The following GAB2 variants were observed in gnomAD, a reference collection of about 807,000 sequenced individuals.
The protein encoded by GAB2 is GRB2-associated-binding protein 2.
GAB2 carries 26 observed loss-of-function variants against 65.5 expected under a neutral mutation model. The ratio of observed to expected loss-of-function variants is 0.40; its 90% CI spans 0.29 to 0.55. GAB2 has a LOEUF of 0.55. Ranked by LOEUF, GAB2 falls within the 20% of genes least tolerant of loss-of-function variation. GAB2 has a pLI of 0.53. For missense variants in GAB2, 884 were observed against 875.8 expected (o/e 1.01, Z -0.12); for synonymous variants, 321 against 329.6 (o/e 0.97, Z 0.28).
intron 1 of GAB2, among the ~76,000 whole-genome samples, chr11:78,341,472 C>T (rs1856093745): frequency 6.6e-6 from 1 of 152,106 alleles, no homozygotes; most frequent in Non-Finnish European, 1.5e-5. Context: ...GGGATTAAGG[C>T]TTAGGTATAG....
intron 1 of GAB2, among the ~76,000 whole-genome samples, chr11:78,394,542 G>T (rs1177840660): frequency 6.6e-6 from 1 of 152,210 alleles, no homozygotes; most frequent in African/African-American, 2.4e-5. Flanking sequence ...GAAAAGGTTT[G>T]GGGTAATAAC....
intron 1 of GAB2, among the ~76,000 whole-genome samples, chr11:78,400,881 G>A (rs1856960026): frequency 1.6e-5 from 2 of 121,572 alleles, no homozygotes; most frequent in African/African-American, 3.0e-5. Flanking sequence ...TCCAGCCTGA[G>A]TGACAGAGTG....
intron 1 of GAB2, among the ~76,000 whole-genome samples, chr11:78,369,616 C>A (rs899345203): frequency 6.6e-6 from 1 of 152,128 alleles, no homozygotes; most frequent in Non-Finnish European, 1.5e-5. Flanking sequence ...AAGGTAGTAT[C>A]TGAATAAAAA....
intron 2 of GAB2, among the ~76,000 whole-genome samples, chr11:78,279,994 T>C (rs553087396): frequency 6.6e-6 from 1 of 152,300 alleles, no homozygotes; most frequent in South Asian, 2.1e-4. Flanking sequence ...CCTAAACAAA[T>C]GTTAAGGAGC....
At chr11:78,243,164 GAAAA>G (rs937159611) in intron 3 of GAB2, among the ~76,000 whole-genome samples, 1 of 135,138 alleles carries the variant, frequency 7.4e-6, no homozygotes, top group East Asian at 2.1e-4. Context: ...ACTCTGTCTA[GAAAA>G]AAAAAAAGAA....
intron 1 of GAB2, among the ~76,000 whole-genome samples, chr11:78,291,359 G>T (rs1028693992): frequency 6.7e-6 from 1 of 150,260 alleles, no homozygotes; most frequent in African/African-American, 2.4e-5. Context: ...CCAGCTACTC[G>T]GGAGGCTGAG....
intron 1 of GAB2, among the ~76,000 whole-genome samples, chr11:78,332,067 C>G (rs954269831): frequency 3.9e-5 from 6 of 152,182 alleles, no homozygotes; most frequent in African/African-American, 1.2e-4. Flanking sequence ...TTCTGGTACT[C>G]TACAAAGTGG....
At chr11:78,285,226 A>T (rs768360041) in intron 1 of GAB2, among the ~76,000 whole-genome samples, 5 of 152,176 alleles carry the variant, frequency 3.3e-5, no homozygotes, top group Admixed American at 6.5e-5. Context: ...CTGTGGAAAG[A>T]GCTGTCCCCA....
intron 1 of GAB2, among the ~76,000 whole-genome samples, chr11:78,284,090 C>T (rs1363681038): frequency 6.6e-6 from 1 of 152,164 alleles, no homozygotes; most frequent in African/African-American, 2.4e-5. Context: ...CACTCTCTCC[C>T]ATCTCATTTA....
intron 1 of GAB2, among the ~76,000 whole-genome samples, chr11:78,373,079 G>A (rs1018848211): frequency 6.6e-6 from 1 of 152,114 alleles, no homozygotes; most frequent in Non-Finnish European, 1.5e-5. Flanking sequence ...GATACACTGA[G>A]TCGGTGAGAA....
chr11:78,283,743 A>T (rs1866394992), intron 1 of GAB2, among the ~76,000 whole-genome samples: 1 of 151,996 alleles, frequency 6.6e-6, no homozygotes, highest in Admixed American at 6.6e-5. Flanking sequence ...TCTTTGAAAC[A>T]CTTTCTTCAC....
Position 78,255,134 on chromosome 11 carries a change from G to A in GAB2, c.377-4734C>T, listed in dbSNP as rs531916923. On this transcript the variant is annotated intron_variant, in intron 2 of 9. Coordinates refer to ENST00000361507, the MANE Select transcript of GAB2 (RefSeq NM_080491.3). Reference sequence around the variant, plus strand: ...GACACAGAGACAGAGAAACACAAAGGCAGAATACCATGTGATGTATGGGTC... The same window carrying A: ...GACACAGAGACAGAGAAACACAAAGACAGAATACCATGTGATGTATGGGTC... Among the ~76,000 whole-genome samples the A allele has an allele frequency of 2.6e-4, 39 of 152,168 alleles. 1 individual carries two copies. In the South Asian group the frequency reaches 8.1e-3, roughly 32 times the overall value.
intron 1 of GAB2, among the ~76,000 whole-genome samples, chr11:78,312,851 G>C (rs1855529541): frequency 6.6e-6 from 1 of 152,058 alleles, no homozygotes; most frequent in Non-Finnish European, 1.5e-5. Context: ...GGCTCTTTTT[G>C]CTCACCAAGA....
intron 2 of GAB2, among the ~76,000 whole-genome samples, chr11:78,252,285 T>C (rs1230283667): frequency 2.0e-5 from 3 of 152,250 alleles, no homozygotes; most frequent in Admixed American, 6.5e-5. Context: ...AACTTTTCCA[T>C]TGACAGCTGT....
chr11:78,293,054 T>C (rs1403914876), intron 1 of GAB2, among the ~76,000 whole-genome samples: 1 of 152,230 alleles, frequency 6.6e-6, no homozygotes, highest in East Asian at 1.9e-4. Context: ...CCACAGAGTT[T>C]ATGAATTCAA....
At chr11:78,317,838 G>A (rs533428843) in intron 1 of GAB2, among the ~76,000 whole-genome samples, 1 of 152,012 alleles carries the variant, frequency 6.6e-6, no homozygotes, top group East Asian at 1.9e-4. Flanking sequence ...CTGGGCTTTG[G>A]TTTTGTCAAC....
intron 1 of GAB2, among the ~76,000 whole-genome samples, chr11:78,323,786 C>CT (rs1855770806): frequency 9.1e-6 from 1 of 110,172 alleles, no homozygotes; most frequent in Admixed American, 9.7e-5. Flanking sequence ...CCCCCTGAAT[C>CT]TTTCTTTTTT....
intron 1 of GAB2, among the ~76,000 whole-genome samples, chr11:78,321,866 A>C (rs986233663): frequency 7.0e-6 from 1 of 142,620 alleles, no homozygotes; most frequent in Non-Finnish European, 1.5e-5. Flanking sequence ...GATATTTGAC[A>C]AAGTTAAAAA....
intron 1 of GAB2, among the ~76,000 whole-genome samples, chr11:78,289,290 A>G (rs10793296): frequency 0.99 from 150,861 of 152,336 alleles, 74,716 homozygotes; most frequent in Non-Finnish European, 1. Context: ...AAATGGTGCC[A>G]AAGCAATCAA....
Sources: gnomAD v4.1 joint callset for allele counts (sites outside exome capture counted in the v4.1 genomes callset) on GRCh38, gnomAD v4.1.1 for gene constraint, MANE v1.5 for transcripts, NCBI Gene and HGNC (gene_info 2026-07-23, HGNC 2026-07-21) for gene names.